Variants in LPP observed in about 807,000 individuals in gnomAD.
LPP encodes the protein lipoma-preferred partner.
LPP carries 38 observed loss-of-function variants against 60.4 expected under a neutral mutation model. That is an observed-to-expected ratio of 0.63 (90% confidence interval 0.49 to 0.83). LPP has a LOEUF of 0.83. LPP is among the 40% of genes least tolerant of loss of function. The probability of loss-of-function intolerance (pLI) is 0.00; values close to 1 mark genes in which losing one functional copy is unlikely to be tolerated. For synonymous variants in LPP, 328 were observed against 290.8 expected (o/e 1.13, Z -1.30); for missense variants, 902 against 783.6 (o/e 1.15, Z -1.80).
At chr3:188,795,240 C>T (rs34733772) in intron 9 of LPP, among the ~76,000 whole-genome samples, 18,873 of 152,238 alleles carry the variant, frequency 0.12, 1,688 homozygotes, top group Non-Finnish European at 0.19. Context: ...AAAAAATACA[C>T]GTGATTTTCT....
intron 2 of LPP, among the ~76,000 whole-genome samples, chr3:188,265,288 G>A (rs1222470326): frequency 6.6e-6 from 1 of 152,150 alleles, no homozygotes; most frequent in African/African-American, 2.4e-5. Context: ...ATGGCCATGT[G>A]CTTACTGAAG....
At chr3:188,401,444 T>C (rs1782224322) in intron 3 of LPP, among the ~76,000 whole-genome samples, 1 of 152,180 alleles carries the variant, frequency 6.6e-6, no homozygotes, top group Admixed American at 6.5e-5. Context: ...TTACTCAGCA[T>C]TCAAAGTCCT....
chr3:188,840,111 G>T (rs1446659656), intron 9 of LPP, among the ~76,000 whole-genome samples: 5 of 152,250 alleles, frequency 3.3e-5, no homozygotes, highest in East Asian at 1.9e-4. Flanking sequence ...TTTTGTTTTG[G>T]TTTGGTTTGG....
At chr3:188,616,694 G>T (rs892357391) in intron 7 of LPP, among the ~76,000 whole-genome samples, 1 of 152,112 alleles carries the variant, frequency 6.6e-6, no homozygotes, top group African/African-American at 2.4e-5. Context: ...AATTTGAAAA[G>T]AGCCGATACG....
intron 5 of LPP, among the ~76,000 whole-genome samples, chr3:188,490,394 T>A (rs1050122180): frequency 3.9e-5 from 6 of 152,196 alleles, no homozygotes; most frequent in African/African-American, 1.4e-4. Context: ...TAGTGGCTTA[T>A]AATCTTTTTT....
rs1306419298 is a variant in LPP, at chr3:188,182,056, G to A, written c.-190+27804G>A. ...TAGAATTTAAGGCACATTTTATTGC[G>A]AGTATTTGCTGAGATGTCTCTTTCT... On this transcript the variant is annotated intron_variant, in intron 1 of 11. Transcript: ENST00000617246. This position sits in a 1 kb window ranked among gnomAD's most constrained non-coding sequence, Gnocchi z 4.4. Among the ~76,000 whole-genome samples the A allele has an allele frequency of 6.6e-6, 1 of 152,188 alleles. No individual in the cohort carries two copies. Among genetic ancestry groups the A allele is most frequent in the Admixed American group, 6.5e-5 (1 of 15,276 alleles).
intron 2 of LPP, among the ~76,000 whole-genome samples, chr3:188,241,389 G>C (rs1577490290): frequency 6.6e-6 from 1 of 152,240 alleles, no homozygotes; most frequent in African/African-American, 2.4e-5. Context: ...GCTGTGTTAG[G>C]GATTTAAGCA....
intron 4 of LPP, among the ~76,000 whole-genome samples, chr3:188,473,679 T>C (rs968229727): frequency 2.0e-5 from 3 of 152,222 alleles, no homozygotes; most frequent in Admixed American, 2.0e-4. Flanking sequence ...CTATGACATG[T>C]ATCCTTCCCC....
intron 6 of LPP, among the ~76,000 whole-genome samples, chr3:188,528,188 C>G (rs13068285): frequency 0.47 from 70,535 of 151,670 alleles, 17,205 homozygotes; most frequent in East Asian, 0.92. Flanking sequence ...CCACCATGCC[C>G]AGCTAATTTT....
chr3:188,225,090 A>G (rs1717248578), intron 1 of LPP, among the ~76,000 whole-genome samples: 1 of 152,140 alleles, frequency 6.6e-6, no homozygotes, highest in African/African-American at 2.4e-5. Context: ...GGTATAGTTT[A>G]GGTTTATCTG....
At chr3:188,593,133 A>G (rs993189473) in intron 6 of LPP, among the ~76,000 whole-genome samples, 2 of 148,766 alleles carry the variant, frequency 1.3e-5, no homozygotes. Context: ...ATAACTGTAT[A>G]GATTACACCT....
chr3:188,356,502 T>C (rs1386196538), intron 3 of LPP, among the ~76,000 whole-genome samples: 2 of 152,220 alleles, frequency 1.3e-5, no homozygotes, highest in Non-Finnish European at 2.9e-5. Flanking sequence ...CAAGCAGCTC[T>C]GCTATTCGCT....
At chr3:188,208,502 A>T (rs1257743663) in intron 1 of LPP, among the ~76,000 whole-genome samples, 1 of 152,224 alleles carries the variant, frequency 6.6e-6, no homozygotes, top group Non-Finnish European at 1.5e-5. Flanking sequence ...GAGCATCCTC[A>T]GTGCTCTCTG....
At chr3:188,386,440 A>AATAGATGTGAGCTCCCAATGTTATCT (rs1778332211) in intron 3 of LPP, among the ~76,000 whole-genome samples, 1 of 152,194 alleles carries the variant, frequency 6.6e-6, no homozygotes, top group African/African-American at 2.4e-5. Flanking sequence ...ATTACATTGG[A>AATAGATGTGAGCTCCCAATGTTATCT]ATAGATGTGA....
chr3:188,311,891 G>A (rs912761141), intron 2 of LPP, among the ~76,000 whole-genome samples: 33 of 152,044 alleles, frequency 2.2e-4, no homozygotes, highest in African/African-American at 7.5e-4. Context: ...CTCCTGCCTC[G>A]ACTTCCCAAA....
At chr3:188,611,855 G>A (rs1041512561) in intron 7 of LPP, among the ~76,000 whole-genome samples, 5 of 152,208 alleles carry the variant, frequency 3.3e-5, no homozygotes, top group African/African-American at 1.2e-4. Context: ...ATCCATTGGT[G>A]TAGGAAAAAG....
At chr3:188,361,226 G>T (rs1769207512) in intron 3 of LPP, among the ~76,000 whole-genome samples, 1 of 152,124 alleles carries the variant, frequency 6.6e-6, no homozygotes, top group African/African-American at 2.4e-5. Flanking sequence ...CTGTGATAAA[G>T]ATTTTGAATA....
rs1056676260 is a variant in LPP at position 188,613,189 on chromosome 3, T to G, written c.1113+3345T>G. 5.9e-5 allele frequency among the ~76,000 whole-genome samples: 9 copies of G among 151,910 alleles called. No individual in the cohort carries two copies. In the Admixed American group the frequency reaches 5.9e-4, roughly 10 times the overall value. ...CTTCTCTTTGCTGATTTATAAAAGC[T>G]AATGTCAGCTACATCTTGCCATGTA... is the stretch of plus-strand genomic sequence containing the variant. On this transcript the variant is annotated intron_variant, in intron 7 of 11. Coordinates refer to ENST00000617246, the MANE Select transcript of LPP (RefSeq NM_001375462.1).
intron 3 of LPP, among the ~76,000 whole-genome samples, chr3:188,358,825 G>T (rs563717062): frequency 1.6e-4 from 25 of 152,152 alleles, no homozygotes; most frequent in Non-Finnish European, 3.1e-4. Context: ...CTTTTGTCAT[G>T]CTTTAACTCA....
Sources: gnomAD v4.1 joint callset for allele counts (sites outside exome capture counted in the v4.1 genomes callset) on GRCh38, gnomAD v4.1.1 for gene constraint, Gnocchi (gnomAD v3.1) non-coding constraint, MANE v1.5 for transcripts, NCBI Gene and HGNC (gene_info 2026-07-23, HGNC 2026-07-21) for gene names.